The following DLG2 variants were observed in gnomAD, a reference collection of about 807,000 sequenced individuals.
DLG2 encodes discs large MAGUK scaffold protein 2, also known as disks large homolog 2.
In DLG2, 45 loss-of-function variants were observed where a neutral mutation model predicts 132.5. The ratio of observed to expected loss-of-function variants is 0.34; its 90% CI spans 0.27 to 0.44. The LOEUF (loss-of-function observed/expected upper bound fraction) is 0.44, where lower values mean the gene tolerates loss of function less well. DLG2 is among the 20% of genes least tolerant of loss of function. DLG2 has a pLI of 1.00. For missense variants in DLG2, 1,045 were observed against 1,196.9 expected, an observed-to-expected ratio of 0.87 and a Z score of 1.87; for synonymous variants, 424 against 419.6, an observed-to-expected ratio of 1.01 and a Z score of -0.13.
chr11:85,003,686 T>A (rs2058401840), intron 6 of DLG2, among the ~76,000 whole-genome samples: 2 of 152,162 alleles, frequency 1.3e-5, no homozygotes. Flanking sequence ...TAACTTCTAG[T>A]CCTATAGATA....
chr11:84,215,011 G>A (rs545765709), intron 8 of DLG2, among the ~76,000 whole-genome samples: 2 of 152,294 alleles, frequency 1.3e-5, no homozygotes, highest in Non-Finnish European at 2.9e-5. Flanking sequence ...TCATGGTGAA[G>A]AAATAATGAC....
chr11:85,320,002 C>A (rs2080945866), intron 3 of DLG2, among the ~76,000 whole-genome samples: 2 of 151,756 alleles, frequency 1.3e-5, no homozygotes, highest in African/African-American at 4.8e-5. Context: ...AGGTAAAGCC[C>A]ATAACTGAGA....
intron 9 of DLG2, among the ~76,000 whole-genome samples, chr11:84,100,902 T>C (rs993024830): frequency 2.0e-5 from 3 of 152,146 alleles, no homozygotes; most frequent in East Asian, 1.9e-4. Context: ...TACAATTGTA[T>C]ATTTATTACA....
intron 7 of DLG2, among the ~76,000 whole-genome samples, chr11:84,495,409 CT>C (rs901385433): frequency 6.6e-6 from 1 of 152,156 alleles, no homozygotes; most frequent in African/African-American, 2.4e-5. Flanking sequence ...ATCATTTCCC[CT>C]TTTTTTGCCT....
chr11:85,582,203 T>C (rs2078570357), intron 3 of DLG2, among the ~76,000 whole-genome samples: 1 of 152,118 alleles, frequency 6.6e-6, no homozygotes, highest in Admixed American at 6.6e-5. Flanking sequence ...AGACTTACGG[T>C]AGCTAACAGG....
chr11:84,881,132 G>A (rs1181149833), intron 6 of DLG2, among the ~76,000 whole-genome samples: 4 of 151,984 alleles, frequency 2.6e-5, no homozygotes, highest in Non-Finnish European at 5.9e-5. Context: ...AATAAGTGGG[G>A]GACAACAAAA....
At chr11:85,003,578 G>C (rs1280398942) in intron 6 of DLG2, among the ~76,000 whole-genome samples, 1 of 152,046 alleles carries the variant, frequency 6.6e-6, no homozygotes, top group Non-Finnish European at 1.5e-5. Context: ...AAATGTAGGA[G>C]TTCTAGGAGA....
At chr11:84,049,948 T>C (rs1216060339) in intron 11 of DLG2, among the ~76,000 whole-genome samples, 1 of 151,554 alleles carries the variant, frequency 6.6e-6, no homozygotes, top group African/African-American at 2.4e-5. Context: ...CATTCAAAGT[T>C]GGGAATGAAA....
At chr11:83,629,449 C>T (rs959425974) in intron 19 of DLG2, among the ~76,000 whole-genome samples, 3 of 152,112 alleles carry the variant, frequency 2.0e-5, no homozygotes, top group South Asian at 2.1e-4. Flanking sequence ...TTTTCTCCTT[C>T]CCCTTGGTGG....
intron 7 of DLG2, among the ~76,000 whole-genome samples, chr11:84,365,636 C>G (rs1288572584): frequency 1.3e-5 from 2 of 151,878 alleles, no homozygotes; most frequent in Non-Finnish European, 2.9e-5. Flanking sequence ...CCTGCTTTCT[C>G]TTGTGGGCAT....
chr11:84,931,774 C>T (rs2048123292), intron 6 of DLG2, among the ~76,000 whole-genome samples: 1 of 152,188 alleles, frequency 6.6e-6, no homozygotes, highest in African/African-American at 2.4e-5. Context: ...ACCTTGCCAG[C>T]ATATGCTATG....
intron 16 of DLG2, among the ~76,000 whole-genome samples, chr11:83,844,086 G>A (rs996592935): frequency 1.3e-5 from 2 of 152,150 alleles, no homozygotes; most frequent in Non-Finnish European, 2.9e-5. Flanking sequence ...TGCATGAATA[G>A]GACTGTGTGA....
At chr11:83,665,002 T>C (rs956124802) in intron 18 of DLG2, among the ~76,000 whole-genome samples, 4 of 152,226 alleles carry the variant, frequency 2.6e-5, no homozygotes, top group Non-Finnish European at 4.4e-5. Flanking sequence ...TGTTTGACTA[T>C]AGCAAGTGCT....
intron 7 of DLG2, among the ~76,000 whole-genome samples, chr11:84,289,140 A>G (rs1327108836): frequency 1.3e-5 from 2 of 152,096 alleles, no homozygotes; most frequent in Non-Finnish European, 2.9e-5. Flanking sequence ...GCCATGATGA[A>G]GAGTTTCTAA....
intron 8 of DLG2, chr11:84,166,687 T>C (rs976720119): frequency 1.4e-5 from 4 of 279,824 alleles, no homozygotes; most frequent in South Asian, 4.0e-5. Context: ...TACTGAGTGA[T>C]GAAACACTGA....
At chr11:84,385,489 A>G (rs530654319) in intron 7 of DLG2, among the ~76,000 whole-genome samples, 14 of 152,240 alleles carry the variant, frequency 9.2e-5, no homozygotes, top group Non-Finnish European at 1.6e-4. Context: ...AACATACTAC[A>G]AGGTTATTTT....
At chr11:84,911,078 TATTA>T (rs1437971539) in intron 6 of DLG2, among the ~76,000 whole-genome samples, 2 of 152,130 alleles carry the variant, frequency 1.3e-5, no homozygotes, top group African/African-American at 2.4e-5. Flanking sequence ...GAAAAATAAT[TATTA>T]ATATTTTTAT....
Position 84,140,465 on chromosome 11 carries a change from T to C in DLG2, c.624+22996A>G, listed in dbSNP as rs556899712. Among the ~76,000 whole-genome samples the C allele has an allele frequency of 5.3e-5, 8 of 152,286 alleles. 1 individual carries two copies. The highest frequency in any genetic ancestry group is 1.9e-4 in the African/African-American group (8 of 41,586). On this transcript the variant is annotated intron_variant, in intron 9 of 27. Coordinates refer to ENST00000376104, the MANE Select transcript of DLG2 (RefSeq NM_001142699.3). ...GATTTTAAGTTTCAGAAAATATAGATACGTTTTTATGAGAAAAATGTCTAC... is the reference window on the plus strand; with the variant it reads ...GATTTTAAGTTTCAGAAAATATAGACACGTTTTTATGAGAAAAATGTCTAC...
At chr11:84,166,902 G>A (rs867891745) in intron 8 of DLG2, 49 of 532,310 alleles carry the variant, frequency 9.2e-5, no homozygotes, top group South Asian at 4.3e-4. Context: ...AAAAGAGTTC[G>A]GCCGAATACA....
Sources: allele counts gnomAD v4.1 joint callset (sites outside exome capture counted in the v4.1 genomes callset), GRCh38; gene constraint gnomAD v4.1.1; transcripts MANE v1.5; gene names NCBI Gene and HGNC (gene_info 2026-07-23, HGNC 2026-07-21).